The following PTPRO variants were observed in gnomAD, a reference collection of about 807,000 sequenced individuals.
PTPRO encodes receptor-type tyrosine-protein phosphatase O.
In PTPRO, 62 loss-of-function variants were observed where a neutral mutation model predicts 145.2. The ratio of observed to expected loss-of-function variants is 0.43; its 90% CI spans 0.35 to 0.53. The LOEUF is 0.53. Ranked by LOEUF, PTPRO falls within the 20% of genes least tolerant of loss-of-function variation. PTPRO has a pLI of 0.01. For missense variants in PTPRO, 1,345 were observed against 1,482.7 expected (o/e 0.91, Z 1.53); for synonymous variants, 565 against 514.7 (o/e 1.10, Z -1.32).
intron 1 of PTPRO, among the ~76,000 whole-genome samples, chr12:15,352,383 G>T (rs1216849756): frequency 1.3e-5 from 2 of 152,166 alleles, no homozygotes; most frequent in African/African-American, 4.8e-5. Flanking sequence ...AGGCGTGGTG[G>T]CTCAAGCCTG....
At chr12:15,485,604 A>C (rs1416008084) in intron 2 of PTPRO, among the ~76,000 whole-genome samples, 1 of 152,156 alleles carries the variant, frequency 6.6e-6, no homozygotes, top group African/African-American at 2.4e-5. Flanking sequence ...GGCACAAAGA[A>C]AAATAGATTT....
chr12:15,516,691 A>T (rs974754198), intron 8 of PTPRO, 72 bp from the exon 9 acceptor site: 75 of 1,352,258 alleles, frequency 5.5e-5, no homozygotes, highest in Non-Finnish European at 7.4e-5. Flanking sequence ...GTCATTAAGT[A>T]GAAGTTTGAG....
chr12:15,441,440 G>C (rs1940761835), intron 1 of PTPRO, among the ~76,000 whole-genome samples: 1 of 152,068 alleles, frequency 6.6e-6, no homozygotes, highest in African/African-American at 2.4e-5. Flanking sequence ...ATCACATCTA[G>C]AGGAACTAGA....
chr12:15,589,333 G>T (rs1944494969), intron 24 of PTPRO, 122 bp from the exon 25 acceptor site: 1 of 1,343,302 alleles, frequency 7.4e-7, no homozygotes, highest in Admixed American at 1.7e-5. Context: ...CCGAGATCAT[G>T]CCATTGCACT....
chr12:15,410,059 A>T (rs1306736578), intron 1 of PTPRO, among the ~76,000 whole-genome samples: 5 of 152,206 alleles, frequency 3.3e-5, no homozygotes, highest in Admixed American at 3.3e-4. Context: ...AGGTATAACA[A>T]AGAGTTATTA....
At chr12:15,551,694 T>A in intron 15 of PTPRO, 23 bp downstream of exon 15, 1 of 1,609,420 alleles carries the variant, frequency 6.2e-7, no homozygotes, top group East Asian at 2.2e-5. Context: ...TTACTAATAT[T>A]TTATCCGGAA....
chr12:15,517,223 T>C (rs1942618772), intron 9 of PTPRO, among the ~76,000 whole-genome samples: 2 of 152,170 alleles, frequency 1.3e-5, no homozygotes, highest in African/African-American at 4.8e-5. Context: ...TCATGTCTTA[T>C]ACAGATGGCA....
chr12:15,547,229 A>G (rs1265194939), intron 13 of PTPRO, among the ~76,000 whole-genome samples: 1 of 152,224 alleles, frequency 6.6e-6, no homozygotes, highest in Non-Finnish European at 1.5e-5. Context: ...GGACAGTCTT[A>G]TTGCAAAATG....
At chr12:15,581,427 G>A (rs537357963) in intron 22 of PTPRO, among the ~76,000 whole-genome samples, 50 of 149,474 alleles carry the variant, frequency 3.3e-4, no homozygotes, top group African/African-American at 1.2e-3. Context: ...TCAGCCTCCC[G>A]AGTAGCTGGG....
chr12:15,562,001 A>T (rs774615739), intron 17 of PTPRO, among the ~76,000 whole-genome samples: 1 of 152,148 alleles, frequency 6.6e-6, no homozygotes, highest in Non-Finnish European at 1.5e-5. Context: ...ACGAGGCCCA[A>T]CTTATGGGGA....
At chr12:15,515,976 G>GTTTTTT (rs779273373) in intron 8 of PTPRO, among the ~76,000 whole-genome samples, 1 of 126,228 alleles carries the variant, frequency 7.9e-6, no homozygotes, top group African/African-American at 2.9e-5. Flanking sequence ...TGTTTGTCTG[G>GTTTTTT]TTTTTTTTTT....
intron 1 of PTPRO, among the ~76,000 whole-genome samples, chr12:15,349,139 C>T (rs1444876298): frequency 6.6e-6 from 1 of 152,092 alleles, no homozygotes; most frequent in Admixed American, 6.5e-5. Context: ...AAGTTTTATA[C>T]TTCAAGAAAT....
chr12:15,393,111 G>A (rs564938107), intron 1 of PTPRO, among the ~76,000 whole-genome samples: 1 of 152,210 alleles, frequency 6.6e-6, no homozygotes, highest in Admixed American at 6.5e-5. Context: ...TGCATGCAGA[G>A]CGAACTCCCT....
At chr12:15,532,346 CTT>C (rs1565689120) in intron 12 of PTPRO, among the ~76,000 whole-genome samples, 1 of 152,022 alleles carries the variant, frequency 6.6e-6, no homozygotes, top group Admixed American at 6.6e-5. Context: ...TTTTTAAAAA[CTT>C]TCAATATTAT....
In PTPRO at chr12:15,454,557, A is replaced by G. The variant is rs139496825; in HGVS notation, c.76-29417A>G. Among the ~76,000 whole-genome samples, 379 of 152,254 alleles carry G rather than the reference A, an allele frequency of 2.5e-3. 5 individuals carry two copies. Among genetic ancestry groups the G allele is most frequent in the African/African-American group, 8.9e-3 (368 of 41,542 alleles). ...ATAATCATTTCCTTTGCTGTGCAGA[A>G]ACTTTATAGTTTGATATAGTCTGTT... is the stretch of plus-strand genomic sequence containing the variant. On this transcript the variant is annotated intron_variant, in intron 1 of 26. Transcript: ENST00000281171.
chr12:15,418,414 A>G (rs1159502702), intron 1 of PTPRO, among the ~76,000 whole-genome samples: 2 of 151,678 alleles, frequency 1.3e-5, no homozygotes, highest in Non-Finnish European at 2.9e-5. Flanking sequence ...CTCAACTCTC[A>G]TTGTTTACCT....
Position 15,461,566 on chromosome 12 carries a change from C to CTTT in PTPRO, c.76-22388_76-22386dup, listed in dbSNP as rs141018489. On this transcript the variant is annotated intron_variant, in intron 1 of 26. Transcript: ENST00000281171. ...CCAAGTCCTTCATTTATTGCTATAG[C>CTTT]TTTTTTTTTTTTTTTTTTTTTTGAC... 1.2e-3 allele frequency among the ~76,000 whole-genome samples: 87 copies of CTTT among 70,518 alleles called. 2 individuals are homozygous for CTTT. Among genetic ancestry groups the CTTT allele is most frequent in the African/African-American group, 3.9e-3 (86 of 21,874 alleles). 46.3% of individuals were successfully genotyped at this position (70,518 alleles called of 152,430 possible).
intron 1 of PTPRO, among the ~76,000 whole-genome samples, chr12:15,417,362 C>T (rs1330887828): frequency 6.6e-6 from 1 of 151,766 alleles, no homozygotes; most frequent in African/African-American, 2.4e-5. Flanking sequence ...ACACATACTA[C>T]TTGTGAACTT....
chr12:15,376,788 T>G (rs1938701675), intron 1 of PTPRO, among the ~76,000 whole-genome samples: 1 of 152,130 alleles, frequency 6.6e-6, no homozygotes, highest in Non-Finnish European at 1.5e-5. Context: ...ATTAATACCA[T>G]TAATGTGGGC....
Sources: gnomAD v4.1 joint callset for allele counts (sites outside exome capture counted in the v4.1 genomes callset) on GRCh38, gnomAD v4.1.1 for gene constraint, MANE v1.5 for transcripts, NCBI Gene and HGNC (gene_info 2026-07-23, HGNC 2026-07-21) for gene names.